NEDD4L: variants seen among roughly 807,000 people sequenced by gnomAD.
NEDD4L encodes the protein E3 ubiquitin-protein ligase NEDD4-like.
NEDD4L carries 54 observed loss-of-function variants against 148.9 expected under a neutral mutation model. That is an observed-to-expected ratio of 0.36 (90% CI 0.29 to 0.45). The LOEUF (loss-of-function observed/expected upper bound fraction) is 0.45. NEDD4L is among the 20% of genes least tolerant of loss of function. NEDD4L has a pLI of 1.00. For missense variants in NEDD4L, 856 were observed against 1,233.8 expected, an observed-to-expected ratio of 0.69 and a Z score of 4.59; for synonymous variants, 433 against 440.7, an observed-to-expected ratio of 0.98 and a Z score of 0.22.
At chr18:58,193,319 T>C (rs1225059390) in intron 2 of NEDD4L, among the ~76,000 whole-genome samples, 2 of 152,236 alleles carry the variant, frequency 1.3e-5, no homozygotes, top group Non-Finnish European at 2.9e-5. Context: ...GGACCTTTTA[T>C]GTGGTATGAA....
intron 2 of NEDD4L, among the ~76,000 whole-genome samples, chr18:58,191,078 T>G (rs550784164): frequency 3.1e-5 from 2 of 65,528 alleles, no homozygotes; most frequent in South Asian, 9.2e-4. Context: ...ACCACTGCCC[T>G]TCATTCAGCC....
intron 18 of NEDD4L, among the ~76,000 whole-genome samples, chr18:58,355,177 G>A (rs2044439051): frequency 6.6e-6 from 1 of 152,104 alleles, no homozygotes; most frequent in African/African-American, 2.4e-5. Context: ...GGGGTTGGGG[G>A]GTGAGACAAT....
At chr18:58,084,242 AG>A (rs2083625209) in intron 1 of NEDD4L, among the ~76,000 whole-genome samples, 1 of 152,212 alleles carries the variant, frequency 6.6e-6, no homozygotes, top group Middle Eastern at 3.2e-3. Flanking sequence ...GTGGTGGCAT[AG>A]GGCTGGAAGA....
chr18:58,163,303 A>G (rs2036458816), intron 1 of NEDD4L, among the ~76,000 whole-genome samples: 1 of 152,186 alleles, frequency 6.6e-6, no homozygotes, highest in Non-Finnish European at 1.5e-5. Flanking sequence ...GGAGGCATCA[A>G]ATGATTAGCA....
chr18:58,322,496 GT>G lies in NEDD4L; in HGVS notation c.410+11del. 1 of 1,425,684 alleles carries G rather than the reference GT, an allele frequency of 7.0e-7. No individual in the cohort carries two copies. Among genetic ancestry groups the G allele is most frequent in the Non-Finnish European group, 9.9e-7 (1 of 1,010,708 alleles). 88.3% of individuals were successfully genotyped at this position (1,425,684 alleles called of 1,614,324 possible). On this transcript the variant is annotated intron_variant, in intron 7 of 30. Coordinates refer to ENST00000400345, the MANE Select transcript of NEDD4L (RefSeq NM_001144967.3). ...TCCTCAGACCAAGAAGGTGAGGCTT[GT>G]GGGTATGGGTGGGTGGGGATGCCTG...
Position 58,357,216 on chromosome 18 carries a change from A to G in NEDD4L, c.1731A>G (p.Glu577=). The G allele has an allele frequency of 6.2e-7, 1 of 1,612,994 alleles. No individual in the cohort carries two copies. The change falls in exon 19 of 31, where the codon GAA becomes GAG. Residue 577 remains glutamate, a synonymous_variant. Coordinates refer to ENST00000400345, the MANE Select transcript of NEDD4L (RefSeq NM_001144967.3). Reference sequence around the variant, plus strand: ...CAGATAGCAAAATTACTCAGTGGGAAGACCCAAGACTGCAGAACCCAGCTA... The same window carrying G: ...CAGATAGCAAAATTACTCAGTGGGAGGACCCAAGACTGCAGAACCCAGCTA... ...IDHNSKITQW[E]DPRLQNPAIT...
intron 18 of NEDD4L, among the ~76,000 whole-genome samples, chr18:58,355,099 G>A (rs888136322): frequency 6.6e-6 from 1 of 152,204 alleles, no homozygotes; most frequent in Non-Finnish European, 1.5e-5. Flanking sequence ...TCCCAGAGGG[G>A]AGGGATGGGG....
rs548273080 is a variant in NEDD4L at position 58,141,198 on chromosome 18, C to T, written c.49-24590C>T. ...GCAGGGTTGGAGAGCTCCCTCCTTA[C>T]TGGTGTTGGAGGTCATTACCTGGCG... On this transcript the variant is annotated intron_variant, in intron 1 of 30. Coordinates refer to ENST00000400345, the MANE Select transcript of NEDD4L (RefSeq NM_001144967.3). Among the ~76,000 whole-genome samples, 10 of 152,324 alleles carry T rather than the reference C, an allele frequency of 6.6e-5. No homozygotes were observed. The South Asian group carries it at 1.4e-3, about 22-fold the overall frequency.
chr18:58,289,885 G>A (rs892044943), intron 5 of NEDD4L, among the ~76,000 whole-genome samples: 2 of 152,162 alleles, frequency 1.3e-5, no homozygotes, highest in Non-Finnish European at 2.9e-5. Context: ...AAGGATCAGG[G>A]TCTCACCCCA....
Position 58,070,611 on chromosome 18 carries a change from C to CT in NEDD4L, c.48+25905dup, listed in dbSNP as rs1269988481. Among the ~76,000 whole-genome samples the CT allele has an allele frequency of 4.6e-5, 7 of 152,212 alleles. No homozygotes were observed. In the East Asian group the frequency reaches 7.7e-4, roughly 17 times the overall value. On this transcript the variant is annotated intron_variant, in intron 1 of 30. Coordinates refer to ENST00000400345, the MANE Select transcript of NEDD4L (RefSeq NM_001144967.3). ...GCTCTACCTTCTCTGCTGTGGCGAT[C>CT]TTGAGGCTTTATGCAAGCCTCAAGG... is the stretch of plus-strand genomic sequence containing the variant.
chr18:58,217,535 T>G (rs2043279884), intron 2 of NEDD4L, among the ~76,000 whole-genome samples: 1 of 152,174 alleles, frequency 6.6e-6, no homozygotes, highest in African/African-American at 2.4e-5. Context: ...GGTGCCATGG[T>G]GTGATTGCAG....
intron 2 of NEDD4L, among the ~76,000 whole-genome samples, chr18:58,189,294 C>T (rs544582072): frequency 6.6e-6 from 1 of 152,276 alleles, no homozygotes; most frequent in East Asian, 1.9e-4. Flanking sequence ...AACTCCATAG[C>T]CCTGGTGTGC....
At chr18:58,096,391 ATTTTATTTTATTTTATTTTATTTT>A (rs2084408818) in intron 1 of NEDD4L, among the ~76,000 whole-genome samples, 1 of 140,684 alleles carries the variant, frequency 7.1e-6, no homozygotes, top group Non-Finnish European at 1.5e-5. Flanking sequence ...ATTTTATTTT[ATTTTATTTTATTTTATTTTATTTT>A]ATTTATTTGA....
intron 1 of NEDD4L, among the ~76,000 whole-genome samples, chr18:58,113,608 C>T (rs1394294208): frequency 6.6e-6 from 1 of 152,110 alleles, no homozygotes; most frequent in Non-Finnish European, 1.5e-5. Flanking sequence ...GAAATAAAGT[C>T]TGTATTGGAG....
At chr18:58,336,421 C>G (rs374471058) in intron 13 of NEDD4L, among the ~76,000 whole-genome samples, 19 of 151,998 alleles carry the variant, frequency 1.3e-4, no homozygotes, top group African/African-American at 4.6e-4. Flanking sequence ...ACTAAAAGTA[C>G]AAAAAATTAG....
At chr18:58,064,872 G>A (rs940838874) in intron 1 of NEDD4L, among the ~76,000 whole-genome samples, 1 of 152,142 alleles carries the variant, frequency 6.6e-6, no homozygotes, top group Non-Finnish European at 1.5e-5. Context: ...TTTGGGAGGC[G>A]AAAGGATTGC....
At chr18:58,246,251 G>C (rs2047252889) in intron 3 of NEDD4L, among the ~76,000 whole-genome samples, 1 of 152,048 alleles carries the variant, frequency 6.6e-6, no homozygotes, top group African/African-American at 2.4e-5. Flanking sequence ...TACATTTAAT[G>C]AAATGGAGCT....
chr18:58,332,857 A>T (rs1181085882), intron 11 of NEDD4L, among the ~76,000 whole-genome samples: 2 of 152,228 alleles, frequency 1.3e-5, no homozygotes, highest in African/African-American at 4.8e-5. Context: ...ATTAGGCTTC[A>T]TTTAACCACA....
chr18:58,165,657 T>C (rs2036757289), intron 1 of NEDD4L, 131 bp from the exon 2 acceptor site: 1 of 1,531,342 alleles, frequency 6.5e-7, no homozygotes, highest in Non-Finnish European at 8.8e-7. Flanking sequence ...GAAGAATTGC[T>C]TATGCTCGAA....
Sources: allele counts gnomAD v4.1 joint callset (sites outside exome capture counted in the v4.1 genomes callset), GRCh38; gene constraint gnomAD v4.1.1; transcripts MANE v1.5; gene names NCBI Gene and HGNC (gene_info 2026-07-23, HGNC 2026-07-21).